The following ZNF385D variants were observed in gnomAD, a reference collection of about 807,000 sequenced individuals.
ZNF385D encodes zinc finger protein 385D.
ZNF385D carries 15 observed loss-of-function variants against 35.8 expected under a neutral mutation model. The observed-to-expected ratio is 0.42, with a 90% CI of 0.28 to 0.64. The LOEUF (loss-of-function observed/expected upper bound fraction) is 0.64. Among genes scored for constraint, ZNF385D ranks in the 30% least tolerant of loss-of-function variants. The probability of loss-of-function intolerance (pLI) is 0.23; values close to 1 mark genes in which losing one functional copy is unlikely to be tolerated. For synonymous variants in ZNF385D, 212 were observed against 186.8 expected, an observed-to-expected ratio of 1.13 and a Z score of -1.10; for missense variants, 474 against 494.6, an observed-to-expected ratio of 0.96 and a Z score of 0.39.
intron 2 of ZNF385D, among the ~76,000 whole-genome samples, chr3:22,216,214 A>G (rs1237449995): frequency 6.6e-6 from 1 of 151,938 alleles, no homozygotes; most frequent in East Asian, 1.9e-4. Context: ...TCCTTATGTT[A>G]ATAAAACATT....
intron 3 of ZNF385D, among the ~76,000 whole-genome samples, chr3:21,560,223 TGGA>T (rs954739634): frequency 8.5e-5 from 13 of 152,182 alleles, no homozygotes; most frequent in Admixed American, 5.2e-4. Context: ...TGTGATCCTT[TGGA>T]GGAGAAGAGG....
chr3:21,435,983 A>G (rs955488137), intron 5 of ZNF385D, among the ~76,000 whole-genome samples: 2 of 152,206 alleles, frequency 1.3e-5, no homozygotes, highest in Non-Finnish European at 2.9e-5. Context: ...ATGACTCAAC[A>G]TACAGCTGCA....
intron 3 of ZNF385D, among the ~76,000 whole-genome samples, chr3:22,003,054 G>C (rs1460389611): frequency 6.6e-6 from 1 of 152,098 alleles, no homozygotes; most frequent in African/African-American, 2.4e-5. Context: ...TACTCAGCAT[G>C]GTACTGGAAG....
intron 3 of ZNF385D, among the ~76,000 whole-genome samples, chr3:21,558,845 A>T (rs4858331): frequency 0.68 from 103,074 of 151,712 alleles, 35,791 homozygotes; most frequent in African/African-American, 0.84. Context: ...TGTATATATA[A>T]TTCGGATAGT....
intron 2 of ZNF385D, among the ~76,000 whole-genome samples, chr3:22,269,069 T>A (rs890814886): frequency 2.6e-5 from 4 of 151,960 alleles, no homozygotes; most frequent in Admixed American, 2.0e-4. Context: ...CAGCTTCTTC[T>A]TGTCATCAGT....
At chr3:21,743,249 C>A (rs17562245) in intron 1 of ZNF385D, among the ~76,000 whole-genome samples, 2 of 152,074 alleles carry the variant, frequency 1.3e-5, no homozygotes, top group East Asian at 1.9e-4. Flanking sequence ...TCAAAGAGAT[C>A]GTAGCACAGC....
In ZNF385D at chr3:21,982,207, G is replaced by A. The variant is rs145904303; in HGVS notation, c.325+186610C>T. ...ATATTGATTCTTCCTATTCATGAGC[G>A]TGGGATTTTTCTTCCATTTGTTTGT... is the stretch of plus-strand genomic sequence containing the variant. On this transcript the variant is annotated intron_variant, in intron 3 of 5. Coordinates refer to the ZNF385D transcript ENST00000494108. 8.2e-3 allele frequency among the ~76,000 whole-genome samples: 1,236 copies of A among 151,506 alleles called. 18 individuals are homozygous for A. The highest frequency in any genetic ancestry group is 0.028 in the African/African-American group (1,154 of 41,296).
chr3:22,138,326 C>T (rs537306465), intron 3 of ZNF385D, among the ~76,000 whole-genome samples: 1 of 152,162 alleles, frequency 6.6e-6, no homozygotes, highest in Non-Finnish European at 1.5e-5. Flanking sequence ...CTTTACAGTT[C>T]ATATGGAATC....
intron 3 of ZNF385D, among the ~76,000 whole-genome samples, chr3:22,063,248 C>A (rs1445486510): frequency 1.3e-5 from 2 of 152,032 alleles, no homozygotes; most frequent in Non-Finnish European, 2.9e-5. Context: ...AAAAATTAAA[C>A]AATTTATTGT....
intron 2 of ZNF385D, among the ~76,000 whole-genome samples, chr3:21,566,250 A>G (rs1359665747): frequency 1.4e-5 from 2 of 147,730 alleles, no homozygotes. Context: ...TAAATTTATT[A>G]TCTAACAAAC....
chr3:21,616,898 G>C (rs557198409), intron 2 of ZNF385D, among the ~76,000 whole-genome samples: 5 of 152,282 alleles, frequency 3.3e-5, no homozygotes, highest in East Asian at 1.9e-4. Flanking sequence ...AAATGCAATA[G>C]AGTTCTTTAT....
intron 4 of ZNF385D, among the ~76,000 whole-genome samples, chr3:21,463,649 T>C (rs9852842): frequency 0.052 from 7,842 of 152,136 alleles, 662 homozygotes; most frequent in African/African-American, 0.18. Flanking sequence ...GGGCTAGTCT[T>C]GTCCGCTGAT....
At chr3:22,033,671 G>C (rs186496920) in intron 3 of ZNF385D, among the ~76,000 whole-genome samples, 1 of 151,936 alleles carries the variant, frequency 6.6e-6, no homozygotes, top group Non-Finnish European at 1.5e-5. Flanking sequence ...AAATTAAGGT[G>C]ATTATAACAA....
intron 3 of ZNF385D, among the ~76,000 whole-genome samples, chr3:21,842,806 T>A (rs1311164538): frequency 4.6e-5 from 7 of 152,090 alleles, no homozygotes. Context: ...GTTAAGCTAA[T>A]GCAGAAAAAT....
intron 2 of ZNF385D, among the ~76,000 whole-genome samples, chr3:22,181,608 G>C (rs1438469126): frequency 6.6e-6 from 1 of 150,662 alleles, no homozygotes; most frequent in African/African-American, 2.4e-5. Flanking sequence ...TGAGGCAGGA[G>C]AATGGTGTGA....
chr3:21,903,562 A>G (rs1699524595), intron 3 of ZNF385D, among the ~76,000 whole-genome samples: 1 of 152,178 alleles, frequency 6.6e-6, no homozygotes, highest in South Asian at 2.1e-4. Context: ...AGTTGATGGA[A>G]ATGTATTTTG....
At chr3:22,340,440 G>C (rs942922443) in intron 2 of ZNF385D, among the ~76,000 whole-genome samples, 1 of 152,150 alleles carries the variant, frequency 6.6e-6, no homozygotes, top group African/African-American at 2.4e-5. Flanking sequence ...GAGGTCAGGA[G>C]TTTCAGACCA....
At chr3:21,878,080 C>T (rs1331577259) in intron 3 of ZNF385D, 1 of 151,930 alleles carries the variant, frequency 6.6e-6, no homozygotes, top group African/African-American at 2.4e-5. Context: ...GATGGTGTAT[C>T]ATAACATTGC....
At chr3:21,879,183 T>C (rs746296782) in intron 3 of ZNF385D, among the ~76,000 whole-genome samples, 3 of 152,132 alleles carry the variant, frequency 2.0e-5, no homozygotes, top group South Asian at 2.1e-4. Flanking sequence ...TTAAAAATCA[T>C]GAATGGAAAA....
Sources: allele counts gnomAD v4.1 joint callset (sites outside exome capture counted in the v4.1 genomes callset), GRCh38; gene constraint gnomAD v4.1.1; transcripts MANE v1.5; gene names NCBI Gene and HGNC (gene_info 2026-07-23, HGNC 2026-07-21).